Variants in NAALADL2 observed in about 807,000 individuals in gnomAD.
The protein encoded by NAALADL2 is inactive N-acetylated-alpha-linked acidic dipeptidase-like protein 2.
Under a neutral mutation model 87.2 loss-of-function variants are expected in NAALADL2, and 76 were observed. The ratio of observed to expected loss-of-function variants is 0.87; its 90% CI spans 0.72 to 1.05. The LOEUF (loss-of-function observed/expected upper bound fraction) is 1.05, where lower values mean the gene tolerates loss of function less well. Ranked by LOEUF, NAALADL2 falls within the 50% of genes least tolerant of loss-of-function variation. The pLI, the probability that NAALADL2 is intolerant of heterozygous loss-of-function variation, is 0.00. For synonymous variants in NAALADL2, 354 were observed against 331.0 expected (o/e 1.07, Z -0.75); for missense variants, 1,089 against 945.8 (o/e 1.15, Z -1.99).
In NAALADL2 at chr3:175,236,562, A is replaced by G. The variant is rs980191157; in HGVS notation, c.819+2358A>G. Among the ~76,000 whole-genome samples, 438 of 151,594 alleles carry G rather than the reference A, an allele frequency of 2.9e-3. 2 individuals carry two copies. The highest frequency in any genetic ancestry group is 4.6e-3 in the Non-Finnish European group (311 of 67,842). On this transcript the variant is annotated intron_variant, in intron 3 of 13. Coordinates refer to ENST00000454872, the MANE Select transcript of NAALADL2 (RefSeq NM_207015.3). ...AAACTCCTTCTCAAAAAAAAAAAAA[A>G]AAAAAGAAGAAAAAGCGGGGGTGGG...
rs1735818741 is a variant in NAALADL2, at chr3:175,683,146, A to T, written c.1897-54160A>T. On this transcript the variant is annotated intron_variant, in intron 11 of 13. Coordinates refer to ENST00000454872, the MANE Select transcript of NAALADL2 (RefSeq NM_207015.3). ...AAGTATAACCAATGACAATGTCTACATAGCCAAATATTTTCAAAACAAAAA... is the reference window on the plus strand; with the variant it reads ...AAGTATAACCAATGACAATGTCTACTTAGCCAAATATTTTCAAAACAAAAA... 2.0e-5 allele frequency among the ~76,000 whole-genome samples: 3 copies of T among 152,046 alleles called. No individual in the cohort carries two copies. The South Asian group carries it at 6.2e-4, about 31-fold the overall frequency.
At chr3:175,347,344 T>G (rs1657288727) in intron 5 of NAALADL2, among the ~76,000 whole-genome samples, 1 of 152,204 alleles carries the variant, frequency 6.6e-6, no homozygotes, top group African/African-American at 2.4e-5. Context: ...ATTGATGTGA[T>G]GTAAATTGAC....
At chr3:174,720,793 G>A (rs1056742636) in intron 2 of NAALADL2, among the ~76,000 whole-genome samples, 1 of 152,068 alleles carries the variant, frequency 6.6e-6, no homozygotes, top group Non-Finnish European at 1.5e-5. Flanking sequence ...TACCAGTTTG[G>A]GTATCCTTTG....
chr3:175,170,107 C>T, intron 2 of NAALADL2, among the ~76,000 whole-genome samples: 1 of 151,792 alleles, frequency 6.6e-6, no homozygotes, highest in Non-Finnish European at 1.5e-5. Context: ...CATGCAATTT[C>T]TGTTATATAA....
chr3:175,524,089 A>G (rs1733060090), intron 9 of NAALADL2, among the ~76,000 whole-genome samples: 1 of 152,208 alleles, frequency 6.6e-6, no homozygotes, highest in African/African-American at 2.4e-5. Flanking sequence ...TGAATGGTGC[A>G]TCCCACACAG....
At chr3:175,650,453 A>G (rs1470123021) in intron 11 of NAALADL2, among the ~76,000 whole-genome samples, 2 of 152,208 alleles carry the variant, frequency 1.3e-5, no homozygotes, top group African/African-American at 4.8e-5. Flanking sequence ...ACTTAAAATC[A>G]TGAAATAGTA....
chr3:174,708,698 A>T (rs149062609), intron 2 of NAALADL2, among the ~76,000 whole-genome samples: 2 of 152,190 alleles, frequency 1.3e-5, no homozygotes, highest in East Asian at 3.9e-4. Context: ...CTTACCTTAC[A>T]TATGAATTCT....
chr3:175,587,014 G>A (rs1057047592), intron 10 of NAALADL2, among the ~76,000 whole-genome samples: 2 of 152,136 alleles, frequency 1.3e-5, no homozygotes, highest in African/African-American at 4.8e-5. Flanking sequence ...AATGATTAAA[G>A]TAAGATCAGA....
At chr3:174,588,020 G>A (rs1017407493) in intron 2 of NAALADL2, among the ~76,000 whole-genome samples, 1 of 152,138 alleles carries the variant, frequency 6.6e-6, no homozygotes. Context: ...ATCAGATGTA[G>A]ATTTGTTCTT....
At chr3:174,708,300 C>A (rs1285698471) in intron 2 of NAALADL2, among the ~76,000 whole-genome samples, 3 of 152,088 alleles carry the variant, frequency 2.0e-5, no homozygotes, top group Non-Finnish European at 2.9e-5. Flanking sequence ...TGGGAAACTC[C>A]CCTCAATCAA....
At chr3:175,401,697 T>C (rs1307905850) in intron 5 of NAALADL2, among the ~76,000 whole-genome samples, 1 of 152,108 alleles carries the variant, frequency 6.6e-6, no homozygotes, top group African/African-American at 2.4e-5. Flanking sequence ...ACACAGAAAA[T>C]GTGCAATATG....
intron 1 of NAALADL2, among the ~76,000 whole-genome samples, chr3:175,004,955 C>T (rs1748819122): frequency 6.6e-6 from 1 of 151,708 alleles, no homozygotes; most frequent in Non-Finnish European, 1.5e-5. Context: ...AAAATTGTGA[C>T]AATGGTAAAT....
intron 4 of NAALADL2, among the ~76,000 whole-genome samples, chr3:175,320,588 T>G (rs1022616450): frequency 2.3e-4 from 35 of 152,160 alleles, no homozygotes; most frequent in Non-Finnish European, 4.9e-4. Context: ...TTTCAACATT[T>G]TAATGACTGG....
intron 5 of NAALADL2, among the ~76,000 whole-genome samples, chr3:175,440,270 C>CTGT (rs1410616975): frequency 6.6e-6 from 1 of 152,118 alleles, no homozygotes; most frequent in Non-Finnish European, 1.5e-5. Context: ...CAGTATCATG[C>CTGT]TGTTTTGGTG....
At chr3:174,749,809 C>A (rs1022526744) in intron 3 of NAALADL2, among the ~76,000 whole-genome samples, 3 of 152,030 alleles carry the variant, frequency 2.0e-5, no homozygotes, top group Non-Finnish European at 4.4e-5. Flanking sequence ...TTTTCTTTCC[C>A]GTATCTCTGC....
chr3:175,657,461 A>G (rs1472044145), intron 11 of NAALADL2, among the ~76,000 whole-genome samples: 1 of 152,166 alleles, frequency 6.6e-6, no homozygotes, highest in Non-Finnish European at 1.5e-5. Flanking sequence ...AGACATTAAA[A>G]TAAAATGTCA....
At chr3:175,062,419 T>C (rs923731428) in intron 1 of NAALADL2, among the ~76,000 whole-genome samples, 2 of 151,766 alleles carry the variant, frequency 1.3e-5, no homozygotes, top group African/African-American at 4.8e-5. Flanking sequence ...CCACTTAACT[T>C]GTAATAATGA....
chr3:174,714,938 CATAGATAGCTCTTAT>C (rs1449665049), intron 2 of NAALADL2, among the ~76,000 whole-genome samples: 3 of 152,144 alleles, frequency 2.0e-5, no homozygotes, highest in Non-Finnish European at 4.4e-5. Context: ...GTGGGTTTGT[CATAGATAGCTCTTAT>C]TATTTTGAGA....
chr3:174,677,004 CTT>C (rs1727099598), intron 2 of NAALADL2, among the ~76,000 whole-genome samples: 1 of 151,920 alleles, frequency 6.6e-6, no homozygotes, highest in Admixed American at 6.6e-5. Flanking sequence ...ATGTATACCT[CTT>C]GGCTAGCTAG....
Sources: allele counts gnomAD v4.1 joint callset (sites outside exome capture counted in the v4.1 genomes callset), GRCh38; gene constraint gnomAD v4.1.1; transcripts MANE v1.5; gene names NCBI Gene and HGNC (gene_info 2026-07-23, HGNC 2026-07-21).